The following TTN variants were observed in gnomAD, a reference collection of about 807,000 sequenced individuals.
The protein encoded by TTN is titin, also known as connectin.
In TTN, 1,525 loss-of-function variants were observed where a neutral mutation model predicts 3,223.0. That is an observed-to-expected ratio of 0.47 (90% CI 0.45 to 0.49). The LOEUF (loss-of-function observed/expected upper bound fraction) is 0.49. Among genes scored for constraint, TTN ranks in the 20% least tolerant of loss-of-function variants. The pLI is 0.00. For missense variants in TTN, 40,786 were observed against 43,424.0 expected (o/e 0.94, Z 5.40); for synonymous variants, 14,094 against 15,161.0 (o/e 0.93, Z 5.17).
At position 178,776,918 on chromosome 2, in the gene TTN, A is replaced by T; in HGVS notation, c.4946T>A (p.Val1649Asp). The T allele has an allele frequency of 1.9e-6, 3 of 1,613,272 alleles. No homozygotes were observed. The highest frequency in any genetic ancestry group is 2.5e-6 in the Non-Finnish European group (3 of 1,179,566). The change falls in exon 28 of 363, where the codon GTT becomes GAT. Residue 1649 changes from valine to aspartate, a missense_variant. By Grantham distance (152) the Val-to-Asp change is radical. Coordinates refer to ENST00000589042, the MANE Select transcript of TTN (RefSeq NM_001267550.2). Reference protein sequence around the residue: ...DTTRCKVNVEVEFAEPEPERK... With the variant: ...DTTRCKVNVEDEFAEPEPERK... ...CTCTGGCTCAGGCTCTGCAAACTCA[A>T]CTTCAACATTTACTTTGCATCTTGT...
intron 21 of TTN, 131 bp from the exon 22 acceptor site, chr2:178,780,336 T>G (rs1386070152): frequency 1.3e-6 from 1 of 750,000 alleles, no homozygotes; most frequent in Admixed American, 2.2e-5. Flanking sequence ...TATCTACTAT[T>G]GAAGTGCTCA....
chr2:178,690,025 TC>T, intron 121 of TTN, 129 bp from the exon 122 acceptor site: 1 of 701,226 alleles, frequency 1.4e-6, no homozygotes, highest in Non-Finnish European at 2.4e-6. Flanking sequence ...AGCAAAATTA[TC>T]CAGAAAATTA....
chr2:178,732,309 G>C lies in TTN; in HGVS notation c.16660C>G (p.Leu5554Val). ...TGGGTGGCATCTCCCTTCTTTAACA[G>C]CTGTGATGGCTCTAACTTTTCAACA... ...TFVEKLEPSQ[L>V]LKKGDATQLA... Residue 5554 changes from leucine (L) to valine (V), a missense_variant, in exon 57 of 363, where the codon CTG becomes GTG. By Grantham distance (32) the Leu-to-Val change is conservative. Transcript: ENST00000589042. The C allele has an allele frequency of 6.2e-7, 1 of 1,610,966 alleles. No homozygotes were observed. Among genetic ancestry groups the C allele is most frequent in the Middle Eastern group, 1.7e-4 (1 of 6,036 alleles).
intron 98 of TTN, 142 bp from the exon 99 acceptor site, chr2:178,709,998 A>T (rs2076425850): frequency 1.2e-6 from 1 of 847,118 alleles, no homozygotes. Flanking sequence ...ATATGTTCCT[A>T]AACATTTCAG....
chr2:178,699,095 A>T (rs2074280869), intron 111 of TTN, among the ~76,000 whole-genome samples, 181 bp from the exon 112 acceptor site: 1 of 152,076 alleles, frequency 6.6e-6, no homozygotes, highest in South Asian at 2.1e-4. Context: ...GATGCAAAAA[A>T]ATTGTTTTGG....
intron 47 of TTN, chr2:178,750,487 A>G: frequency 6.2e-7 from 1 of 1,612,958 alleles, no homozygotes. Context: ...CTATAGGTTG[A>G]GGATATCCTT....
rs1392397772 is a variant in TTN at position 178,719,217 on chromosome 2, A to G, written c.24173T>C (p.Val8058Ala). ...ATCGGAACCAGCTACATTGGCAGCCACACACGTGTATATGCCTGTGTCGGA... is the reference window on the plus strand; with the variant it reads ...ATCGGAACCAGCTACATTGGCAGCCGCACACGTGTATATGCCTGTGTCGGA... ...EPSDTGIYTCVAANVAGSDEC... is the reference protein window; with the variant it reads ...EPSDTGIYTCAAANVAGSDEC... Residue 8058 changes from valine (V) to alanine (A), a missense_variant, in exon 83 of 363, where the codon GTG becomes GCG. Transcript: ENST00000589042. The G allele has an allele frequency of 6.2e-7, 1 of 1,613,772 alleles. No homozygotes were observed. The highest frequency in any genetic ancestry group is 2.2e-5 in the East Asian group (1 of 44,860).
At chr2:178,770,951 G>T in intron 34 of TTN, 1 of 771,638 alleles carries the variant, frequency 1.3e-6, no homozygotes, top group Non-Finnish European at 2.2e-6. Context: ...TTGGAGAAGG[G>T]TGAAAGACGA....
rs777103102 is a variant in TTN, at chr2:178,590,139, A to G, written c.61586T>C (p.Leu20529Pro). The G allele has an allele frequency of 5.0e-6, 8 of 1,613,136 alleles. No homozygotes were observed. The Admixed American group carries it at 8.3e-5, about 17-fold the overall frequency. The change falls in exon 304 of 363, where the codon CTA becomes CCA. Residue 20529 changes from leucine to proline, a missense_variant. Coordinates refer to ENST00000589042, the MANE Select transcript of TTN (RefSeq NM_001267550.2). Reference protein sequence around the residue: ...REKRVDLIQDLPRVELQIKEA... With the variant: ...REKRVDLIQDPPRVELQIKEA... ...TTTAATTTGTAACTCAACACGAGGTAGATCCTGAATAAGGTCCACCCTCTT... is the reference window on the plus strand; with the variant it reads ...TTTAATTTGTAACTCAACACGAGGTGGATCCTGAATAAGGTCCACCCTCTT...
At chr2:178,696,492 A>C (rs1312084026) in intron 113 of TTN, among the ~76,000 whole-genome samples, 2 of 151,878 alleles carry the variant, frequency 1.3e-5, no homozygotes, top group Non-Finnish European at 2.9e-5. Flanking sequence ...AGTATGAAAA[A>C]ATGGATTCAA....
rs759317677 is a variant in TTN at position 178,607,297 on chromosome 2, G to C, written c.53305C>G (p.Leu17769Val). 21 of 1,612,494 alleles carry C rather than the reference G, an allele frequency of 1.3e-5. No homozygotes were observed. In the South Asian group the frequency reaches 2.1e-4, roughly 16 times the overall value. The change falls in exon 278 of 363, where the codon CTT becomes GTT. Residue 17769 changes from leucine (L) to valine (V), a missense_variant. Physicochemically the swap from Leu to Val is conservative, Grantham distance 32. Transcript: ENST00000589042. The part of the protein sequence containing the change: ...VEVFDVPGPV[L>V]DLKPVVTNRK... ...TTTGTTACAACAGGTTTTAAGTCAA[G>C]AACTGGACCAGGGACATCTGAAAAC...
chr2:178,586,212 A>G (rs551392361), intron 308 of TTN, among the ~76,000 whole-genome samples: 36 of 152,204 alleles, frequency 2.4e-4, no homozygotes, highest in African/African-American at 8.4e-4. Flanking sequence ...GCTTTTCTTC[A>G]TATGTTTGTT....
rs1228451562 is a variant in TTN, at chr2:178,557,823, T to A, written c.87531A>T (p.Lys29177Asn). The change falls in exon 328 of 363, where the codon AAA (lysine) becomes AAT (asparagine). Residue 29177 changes from lysine (K) to asparagine (N), a missense_variant. Physicochemically the swap from Lys to Asn is moderately conservative, Grantham distance 94. Coordinates refer to ENST00000589042, the MANE Select transcript of TTN (RefSeq NM_001267550.2). ...GSQVTNYILL[K>N]RETSTAVWTE... ...TCCACACTGCAGTACTTGTTTCTCT[T>A]TTGAGTAGAATGTAGTTGGTAACTT... is the stretch of plus-strand genomic sequence containing the variant. 6.2e-7 allele frequency: 1 copy of A among 1,613,830 alleles called. No homozygotes were observed. Among genetic ancestry groups the A allele is most frequent in the Non-Finnish European group, 8.5e-7 (1 of 1,179,850 alleles).
Position 178,712,855 on chromosome 2 carries a change from C to G in TTN, c.27170G>C (p.Ser9057Thr), listed in dbSNP as rs768427223. The G allele has an allele frequency of 6.2e-7, 1 of 1,613,686 alleles. No homozygotes were observed. The highest frequency in any genetic ancestry group is 1.3e-5 in the African/African-American group (1 of 74,926). Residue 9057 changes from serine (S) to threonine (T), a missense_variant, in exon 94 of 363, where the codon AGT becomes ACT. By Grantham distance (58) the Ser-to-Thr change is moderately conservative. Coordinates refer to ENST00000589042, the MANE Select transcript of TTN (RefSeq NM_001267550.2). ...PFSVSWFKGS[S>T]ELVPGDRCNV... ...GCATCTGTCACCTGGTACTAGTTCA[C>G]TGCTACCTTTGAACCAGCTAACACT...
At position 178,574,865 on chromosome 2, in the gene TTN, C is replaced by T; in HGVS notation, c.71267G>A (p.Gly23756Asp). The change falls in exon 326 of 363, where the codon GGT (glycine) becomes GAT (aspartate). Residue 23756 changes from glycine (G) to aspartate (D), a missense_variant. Physicochemically the swap from Gly to Asp is moderately conservative, Grantham distance 94. Transcript: ENST00000589042. Reference protein sequence around the residue: ...FSWDPPENDGGVPISNYVVEM... With the variant: ...FSWDPPENDGDVPISNYVVEM... ...CACTACATAGTTGCTTATTGGTACA[C>T]CACCATCGTTCTCAGGTGGGTCCCA... The T allele has an allele frequency of 6.2e-7, 1 of 1,613,008 alleles. No homozygotes were observed. The highest frequency in any genetic ancestry group is 8.5e-7 in the Non-Finnish European group (1 of 1,179,548).
Position 178,527,485 on chromosome 2 carries a change from C to A in TTN, c.107641G>T (p.Glu35881Ter). ...FMGISNMTQLESSTSKMLKAG... is the reference protein window; with the variant it reads ...FMGISNMTQL ...TTAAGCATTTTACTAGTTGAGCTTT[C>A]CAGTTGTGTCATATTAGATATTCCC... is the stretch of plus-strand genomic sequence containing the variant. The change falls in exon 362 of 363, where the codon GAA becomes TAA. Residue 35881 changes from glutamate (E) to a stop codon, truncating the protein, a stop_gained. Transcript: ENST00000589042. LOFTEE classifies it high-confidence loss of function. 6.2e-7 allele frequency: 1 copy of A among 1,613,958 alleles called. No individual in the cohort carries two copies. The highest frequency in any genetic ancestry group is 8.5e-7 in the Non-Finnish European group (1 of 1,179,840).
chr2:178,636,928 T>C lies in TTN; in HGVS notation c.40928-129A>G, dbSNP rs1258106204. The C allele has an allele frequency of 1.5e-5, 16 of 1,036,958 alleles. No homozygotes were observed. In the East Asian group the frequency reaches 3.9e-4, roughly 25 times the overall value. The allele number at this position is 1,036,958 out of a possible 1,614,324, so 64.2% of individuals were successfully genotyped here. ...GACGAGAAAACTAAAGACCAGGCAA[T>C]TGAAAGGCCAATTGAGTTTATACTG... On this transcript the variant is annotated intron_variant, in intron 224 of 362. Coordinates refer to ENST00000589042, the MANE Select transcript of TTN (RefSeq NM_001267550.2). This position sits in a 1 kb window ranked among gnomAD's most constrained non-coding sequence, Gnocchi z 4.3.
At chr2:178,628,125 G>T (rs1188457400) in intron 240 of TTN, among the ~76,000 whole-genome samples, 2 of 152,018 alleles carry the variant, frequency 1.3e-5, no homozygotes, top group African/African-American at 2.4e-5. Context: ...TGTATAACAG[G>T]CAGGCGTTAC....
chr2:178,576,725 T>C lies in TTN; in HGVS notation c.69519A>G (p.Gly23173=), dbSNP rs2046516323. The C allele has an allele frequency of 1.2e-6, 2 of 1,613,404 alleles. No individual in the cohort carries two copies. The highest frequency in any genetic ancestry group is 1.7e-6 in the Non-Finnish European group (2 of 1,179,626). Residue 23173 remains glycine (G), a synonymous_variant, in exon 325 of 363, where the codon GGA becomes GGG. Transcript: ENST00000589042. The surrounding 1 kb of genome is among the most constrained non-coding windows in gnomAD (Gnocchi z 4.3). The part of the protein sequence containing the change: ...PVDDGGSEIT[G]YHVERREKKS... ...TCTTTTCTCTCCTTTCTACATGATA[T>C]CCTGTAATTTCGCTGCCACCATCAT...
Sources: gnomAD v4.1 joint callset for allele counts (sites outside exome capture counted in the v4.1 genomes callset) on GRCh38, gnomAD v4.1.1 for gene constraint, Gnocchi (gnomAD v3.1) non-coding constraint, MANE v1.5 for transcripts, NCBI Gene and HGNC (gene_info 2026-07-23, HGNC 2026-07-21) for gene names.